DCC: variants seen among roughly 807,000 people sequenced by gnomAD.
DCC encodes netrin receptor DCC.
A neutral mutation model predicts 172.5 loss-of-function variants in DCC; 58 were observed. The ratio of observed to expected loss-of-function variants is 0.34; its 90% CI spans 0.27 to 0.42. DCC has a LOEUF of 0.42. DCC is among the 10% of genes least tolerant of loss of function. The probability of loss-of-function intolerance (pLI) is 1.00; values close to 1 mark genes in which losing one functional copy is unlikely to be tolerated. For missense variants in DCC, 1,740 were observed against 1,791.0 expected (o/e 0.97, Z 0.51); for synonymous variants, 709 against 644.5 (o/e 1.10, Z -1.52).
chr18:52,999,959 C>T (rs919167721), intron 5 of DCC, among the ~76,000 whole-genome samples: 1 of 151,802 alleles, frequency 6.6e-6, no homozygotes, highest in African/African-American at 2.4e-5. Flanking sequence ...GGGAGAAGGC[C>T]ATGTGATGAA....
intron 1 of DCC, among the ~76,000 whole-genome samples, chr18:52,467,055 T>A (rs373256137): frequency 2.6e-4 from 33 of 126,166 alleles, no homozygotes; most frequent in South Asian, 8.2e-4. Context: ...AAAAAAAAAA[T>A]ATATATATAT....
intron 2 of DCC, among the ~76,000 whole-genome samples, chr18:52,820,768 A>G (rs902532784): frequency 7.9e-5 from 12 of 152,158 alleles, no homozygotes; most frequent in African/African-American, 2.7e-4. Flanking sequence ...GGCACACAGA[A>G]ATCAACTTAC....
chr18:53,217,895 A>G (rs1234926663), intron 12 of DCC, among the ~76,000 whole-genome samples: 1 of 151,902 alleles, frequency 6.6e-6, no homozygotes, highest in Non-Finnish European at 1.5e-5. Context: ...CCCAGGTTGG[A>G]GTGCAGTGAC....
intron 15 of DCC, among the ~76,000 whole-genome samples, chr18:53,378,050 G>A (rs751876925): frequency 3.3e-5 from 5 of 152,028 alleles, no homozygotes; most frequent in Non-Finnish European, 5.9e-5. Flanking sequence ...CAACTTCTGC[G>A]TCCTGGGTTC....
chr18:53,507,777 C>CA (rs2046199438), intron 27 of DCC, among the ~76,000 whole-genome samples: 1 of 151,968 alleles, frequency 6.6e-6, no homozygotes, highest in African/African-American at 2.4e-5. Context: ...ATGTCTTTTT[C>CA]AAAGTGCTCT....
In DCC at chr18:52,936,907, C is replaced by T. The variant is rs182123517; in HGVS notation, c.985+11537C>T. On this transcript the variant is annotated intron_variant, in intron 5 of 28. Coordinates refer to ENST00000442544, the MANE Select transcript of DCC (RefSeq NM_005215.4). Reference sequence around the variant, plus strand: ...GAGCAATATATGCCATTTCTTCATACACTTTTAAATAAATGTTTTTCTGAT... The same window carrying T: ...GAGCAATATATGCCATTTCTTCATATACTTTTAAATAAATGTTTTTCTGAT... Among the ~76,000 whole-genome samples the T allele has an allele frequency of 2.7e-3, 410 of 152,286 alleles. 3 individuals carry two copies. Among genetic ancestry groups the T allele is most frequent in the African/African-American group, 8.5e-3 (355 of 41,574 alleles).
chr18:52,951,935 C>A (rs1297085504), intron 5 of DCC, among the ~76,000 whole-genome samples: 1 of 152,086 alleles, frequency 6.6e-6, no homozygotes, highest in African/African-American at 2.4e-5. Context: ...TTCAAGGATG[C>A]CCAACTAGTA....
chr18:53,323,958 CA>C (rs34653561), intron 14 of DCC, among the ~76,000 whole-genome samples: 48,902 of 151,914 alleles, frequency 0.32, 9,453 homozygotes, highest in East Asian at 0.58. Context: ...TCTGACAAGA[CA>C]AAGTTAAGAA....
intron 1 of DCC, among the ~76,000 whole-genome samples, chr18:52,429,066 T>C (rs1227992093): frequency 6.6e-6 from 1 of 152,080 alleles, no homozygotes; most frequent in Non-Finnish European, 1.5e-5. Flanking sequence ...TCCCCTTGCC[T>C]TTCTAAGATC....
At chr18:52,458,048 A>C (rs1376179640) in intron 1 of DCC, among the ~76,000 whole-genome samples, 1 of 152,164 alleles carries the variant, frequency 6.6e-6, no homozygotes, top group Non-Finnish European at 1.5e-5. Flanking sequence ...GGATGCGGCC[A>C]CATGGTTTCA....
intron 2 of DCC, among the ~76,000 whole-genome samples, chr18:52,860,920 T>C (rs779763592): frequency 2.0e-5 from 3 of 150,314 alleles, no homozygotes; most frequent in Non-Finnish European, 4.4e-5. Context: ...GCAGGAGATA[T>C]ACCTAGAACC....
Position 53,090,698 on chromosome 18 carries a change from CAAAAAAAAAAAAAA to C in DCC, c.1261+24555_1261+24568del, listed in dbSNP as rs59898050. On this transcript the variant is annotated intron_variant, in intron 7 of 28. Transcript: ENST00000442544. ...GACAGAGCGAAACTCCGTCCCCCAA[CAAAAAAAAAAAAAA>C]AAAAAAAAAAAAAAAAAAAAAAGAA... is the stretch of plus-strand genomic sequence containing the variant. Among the ~76,000 whole-genome samples, 86 of 39,364 alleles carry C rather than the reference CAAAAAAAAAAAAAA, an allele frequency of 2.2e-3. 2 individuals carry two copies. Among genetic ancestry groups the C allele is most frequent in the East Asian group, 0.022 (56 of 2,568 alleles). 25.8% of individuals were successfully genotyped at this position (39,364 alleles called of 152,430 possible). A position where few individuals can be genotyped will look rare whatever the true frequency, so the allele number is the denominator to read the frequency against.
chr18:53,461,463 G>C (rs2045558700), intron 24 of DCC, among the ~76,000 whole-genome samples: 1 of 152,084 alleles, frequency 6.6e-6, no homozygotes, highest in Non-Finnish European at 1.5e-5. Flanking sequence ...TTTGTATAAG[G>C]TGTAAGGAAG....
intron 7 of DCC, among the ~76,000 whole-genome samples, chr18:53,142,358 C>T (rs1470871394): frequency 6.6e-6 from 1 of 152,210 alleles, no homozygotes; most frequent in Non-Finnish European, 1.5e-5. Flanking sequence ...AATCTTTTCA[C>T]ACTGGCTGAT....
At chr18:52,552,156 T>C (rs1357922630) in intron 1 of DCC, among the ~76,000 whole-genome samples, 1 of 152,028 alleles carries the variant, frequency 6.6e-6, no homozygotes, top group Non-Finnish European at 1.5e-5. Context: ...GATAGGTAGG[T>C]ACATGAAAAT....
chr18:53,487,042 T>C, intron 26 of DCC, 84 bp downstream of exon 26: 1 of 1,568,624 alleles, frequency 6.4e-7, no homozygotes. Flanking sequence ...TCTGACCTTA[T>C]CCCTTAGAAA....
chr18:52,840,396 AGATT>A lies in DCC; in HGVS notation c.413-65643_413-65640del, dbSNP rs1297411133. 7.2e-5 allele frequency among the ~76,000 whole-genome samples: 11 copies of A among 152,198 alleles called. No homozygotes were observed. The East Asian group carries it at 2.1e-3, about 29-fold the overall frequency. On this transcript the variant is annotated intron_variant, in intron 2 of 28. Coordinates refer to ENST00000442544, the MANE Select transcript of DCC (RefSeq NM_005215.4). Reference sequence around the variant, plus strand: ...GAAATGATACCAATACTGTTTGCTTAGATTGATTTTCTGATTTACTAGTATTCAG... The same window carrying A: ...GAAATGATACCAATACTGTTTGCTTAGATTTTCTGATTTACTAGTATTCAG...
chr18:52,406,573 T>A (rs1334370301), intron 1 of DCC, among the ~76,000 whole-genome samples: 2 of 152,196 alleles, frequency 1.3e-5, no homozygotes, highest in East Asian at 3.9e-4. Context: ...TCTTACATAG[T>A]CCAGGAATGA....
chr18:52,545,587 A>C (rs1189143194), intron 1 of DCC, among the ~76,000 whole-genome samples: 1 of 152,210 alleles, frequency 6.6e-6, no homozygotes, highest in African/African-American at 2.4e-5. Flanking sequence ...TGAAGGAAAT[A>C]GTTCCCTTGT....
Sources: gnomAD v4.1 joint callset for allele counts (sites outside exome capture counted in the v4.1 genomes callset) on GRCh38, gnomAD v4.1.1 for gene constraint, MANE v1.5 for transcripts, NCBI Gene and HGNC (gene_info 2026-07-23, HGNC 2026-07-21) for gene names.